Variants in ZNF385B observed in about 807,000 individuals in gnomAD.
The protein encoded by ZNF385B is zinc finger protein 533.
In ZNF385B, 23 loss-of-function variants were observed where a neutral mutation model predicts 39.2. That is an observed-to-expected ratio of 0.59 (90% CI 0.42 to 0.83). The LOEUF (loss-of-function observed/expected upper bound fraction) is 0.83, where lower values mean the gene tolerates loss of function less well. Ranked by LOEUF, ZNF385B falls within the 40% of genes least tolerant of loss-of-function variation. The pLI is 0.00. For missense variants in ZNF385B, 552 were observed against 598.9 expected (o/e 0.92, Z 0.82); for synonymous variants, 205 against 222.6 (o/e 0.92, Z 0.70).
chr2:179,795,430 G>A (rs1381698446), intron 1 of ZNF385B, among the ~76,000 whole-genome samples: 3 of 152,152 alleles, frequency 2.0e-5, no homozygotes, highest in Non-Finnish European at 4.4e-5. Flanking sequence ...CTGTGGTGGG[G>A]AGTTTTGTAT....
rs117063961 is a variant in ZNF385B at position 179,783,261 on chromosome 2, C to A, written c.-154-12589G>T. On this transcript the variant is annotated intron_variant, in intron 1 of 9. Transcript: ENST00000410066. ...AGTCCCTATTCGATAAATTGTGCTG[C>A]GATAACTTGCTAGCCATATGTAGAA... Among the ~76,000 whole-genome samples, 239 of 152,088 alleles carry A rather than the reference C, an allele frequency of 1.6e-3. 3 individuals are homozygous for A. The East Asian group carries it at 0.029, about 19-fold the overall frequency.
intron 3 of ZNF385B, among the ~76,000 whole-genome samples, chr2:179,678,017 C>A (rs1697083659): frequency 6.6e-6 from 1 of 151,192 alleles, no homozygotes. Context: ...ATAAATAGCT[C>A]TTTTTTTTTC....
chr2:179,848,565 T>C (rs192302816), intron 1 of ZNF385B, among the ~76,000 whole-genome samples: 577 of 152,372 alleles, frequency 3.8e-3, no homozygotes, highest in Non-Finnish European at 6.4e-3. Flanking sequence ...TCAAAGCCTT[T>C]TCAGATAAAG....
At chr2:179,793,205 A>G (rs990730934) in intron 1 of ZNF385B, among the ~76,000 whole-genome samples, 25 of 152,228 alleles carry the variant, frequency 1.6e-4, no homozygotes, top group Admixed American at 1.6e-3. Flanking sequence ...GAAAAATCAG[A>G]CATGAACCCA....
At chr2:179,632,493 T>G (rs60168083) in intron 3 of ZNF385B, among the ~76,000 whole-genome samples, 4,396 of 152,290 alleles carry the variant, frequency 0.029, 212 homozygotes, top group African/African-American at 0.1. Flanking sequence ...AAGATGTTTT[T>G]TGAATCCAAT....
intron 3 of ZNF385B, among the ~76,000 whole-genome samples, chr2:179,733,950 C>T (rs1403657532): frequency 6.6e-6 from 1 of 152,058 alleles, no homozygotes; most frequent in Non-Finnish European, 1.5e-5. Context: ...CTCCTCCTTC[C>T]CCCATATGTA....
At chr2:179,671,505 A>C (rs1156898163) in intron 3 of ZNF385B, among the ~76,000 whole-genome samples, 2 of 152,242 alleles carry the variant, frequency 1.3e-5, no homozygotes, top group Non-Finnish European at 2.9e-5. Context: ...CAAGAAGATG[A>C]GTCAGCTGTC....
chr2:179,545,592 G>A (rs765721494), intron 3 of ZNF385B, among the ~76,000 whole-genome samples: 6 of 152,130 alleles, frequency 3.9e-5, no homozygotes, highest in Non-Finnish European at 5.9e-5. Context: ...CTTGGCTTCA[G>A]ACAGGGTGTT....
At chr2:179,713,247 G>A (rs952307852) in intron 3 of ZNF385B, among the ~76,000 whole-genome samples, 1 of 152,174 alleles carries the variant, frequency 6.6e-6, no homozygotes, top group Non-Finnish European at 1.5e-5. Flanking sequence ...ATTTTCAAGA[G>A]TGGAAAATAG....
At chr2:179,569,055 T>C (rs148167470) in intron 3 of ZNF385B, among the ~76,000 whole-genome samples, 2,206 of 152,318 alleles carry the variant, frequency 0.014, 28 homozygotes, top group Non-Finnish European at 0.021. Context: ...CACCCAATTT[T>C]CAAATTAACA....
intron 1 of ZNF385B, among the ~76,000 whole-genome samples, chr2:179,799,446 C>A (rs1705892006): frequency 6.6e-6 from 1 of 151,964 alleles, no homozygotes; most frequent in Non-Finnish European, 1.5e-5. Context: ...TCTGCAGGAA[C>A]AAATATTCCA....
chr2:179,704,296 C>T lies in ZNF385B; in HGVS notation c.298+65207G>A, dbSNP rs1288343228. 2.0e-5 allele frequency among the ~76,000 whole-genome samples: 3 copies of T among 152,080 alleles called. No homozygotes were observed. In the South Asian group the frequency reaches 6.2e-4, roughly 32 times the overall value. On this transcript the variant is annotated intron_variant, in intron 3 of 9. Transcript: ENST00000410066. ...GTGCTCATATAATACGGTTCCACTA[C>T]ATTTTTAAAAAATGTATCTGCATAG...
intron 3 of ZNF385B, among the ~76,000 whole-genome samples, chr2:179,759,024 A>G (rs1459158555): frequency 6.6e-6 from 1 of 152,184 alleles, no homozygotes; most frequent in East Asian, 1.9e-4. Flanking sequence ...TTTTAGACAC[A>G]CCAAGCTTTT....
intron 3 of ZNF385B, among the ~76,000 whole-genome samples, chr2:179,595,630 T>C (rs1265071494): frequency 1.3e-5 from 2 of 151,688 alleles, no homozygotes; most frequent in African/African-American, 4.8e-5. Flanking sequence ...TATTCTTTTT[T>C]TTTTTTTCTT....
intron 6 of ZNF385B, among the ~76,000 whole-genome samples, chr2:179,465,695 A>C (rs1212362524): frequency 1.3e-5 from 2 of 152,042 alleles, no homozygotes; most frequent in Admixed American, 1.3e-4. Flanking sequence ...GCCCTAATCT[A>C]TTCTCTCTGG....
chr2:179,467,101 C>T (rs893079638), intron 6 of ZNF385B, among the ~76,000 whole-genome samples: 3 of 151,804 alleles, frequency 2.0e-5, no homozygotes, highest in Non-Finnish European at 4.4e-5. Context: ...CGTGTGTTGG[C>T]GATGGTACCA....
chr2:179,598,824 A>C (rs1688197375), intron 3 of ZNF385B, among the ~76,000 whole-genome samples: 1 of 152,174 alleles, frequency 6.6e-6, no homozygotes, highest in Non-Finnish European at 1.5e-5. Context: ...TTTATTGTTC[A>C]ACTTTCTAAA....
At chr2:179,506,226 T>C (rs1210591376) in intron 5 of ZNF385B, among the ~76,000 whole-genome samples, 1 of 152,130 alleles carries the variant, frequency 6.6e-6, no homozygotes, top group Non-Finnish European at 1.5e-5. Context: ...AATGATAGTA[T>C]AGTGAATTTA....
chr2:179,629,821 G>A (rs940243816), intron 3 of ZNF385B, among the ~76,000 whole-genome samples: 6 of 152,216 alleles, frequency 3.9e-5, no homozygotes, highest in Non-Finnish European at 5.9e-5. Context: ...CAAATACTGC[G>A]CTTTTCCCAA....
Sources: gnomAD v4.1 joint callset for allele counts (sites outside exome capture counted in the v4.1 genomes callset) on GRCh38, gnomAD v4.1.1 for gene constraint, MANE v1.5 for transcripts, NCBI Gene and HGNC (gene_info 2026-07-23, HGNC 2026-07-21) for gene names.